Variants in PPP3CA observed in about 807,000 individuals in gnomAD.
The protein encoded by PPP3CA is CAM-PRP catalytic subunit.
PPP3CA carries 14 observed loss-of-function variants against 66.5 expected under a neutral mutation model. The ratio of observed to expected loss-of-function variants is 0.21; its 90% CI spans 0.14 to 0.33. The LOEUF (loss-of-function observed/expected upper bound fraction) is 0.33. Ranked by LOEUF, PPP3CA falls within the 10% of genes least tolerant of loss-of-function variation. PPP3CA has a pLI of 1.00. For missense variants in PPP3CA, 317 were observed against 639.5 expected, an observed-to-expected ratio of 0.50 and a Z score of 5.44; for synonymous variants, 232 against 226.2, an observed-to-expected ratio of 1.03 and a Z score of -0.23.
intron 1 of PPP3CA, among the ~76,000 whole-genome samples, chr4:101,317,679 G>A (rs1448723092): frequency 6.6e-6 from 1 of 152,128 alleles, no homozygotes; most frequent in Admixed American, 6.5e-5. Context: ...CAAAATCAGA[G>A]AACACTATTT....
At chr4:101,090,418 C>G (rs191597124) in intron 6 of PPP3CA, among the ~76,000 whole-genome samples, 96 of 152,032 alleles carry the variant, frequency 6.3e-4, no homozygotes, top group African/African-American at 2.3e-3. Context: ...GTGGATGGAT[C>G]ACCTGAGGTC....
intron 2 of PPP3CA, among the ~76,000 whole-genome samples, chr4:101,121,509 G>A (rs991820800): frequency 4.6e-5 from 7 of 151,718 alleles, no homozygotes; most frequent in Non-Finnish European, 1.0e-4. Context: ...TACAAATAAC[G>A]CTTGATTTCC....
intron 2 of PPP3CA, among the ~76,000 whole-genome samples, chr4:101,192,021 C>A (rs943511978): frequency 3.3e-5 from 5 of 152,142 alleles, no homozygotes; most frequent in African/African-American, 1.2e-4. Context: ...ATTCAAAAAA[C>A]CTAAGCTCCC....
chr4:101,127,636 T>C (rs1722288498), intron 2 of PPP3CA, among the ~76,000 whole-genome samples: 1 of 151,962 alleles, frequency 6.6e-6, no homozygotes, highest in African/African-American at 2.4e-5. Flanking sequence ...GACAATAAAT[T>C]TCTGTTGTTT....
intron 9 of PPP3CA, among the ~76,000 whole-genome samples, chr4:101,063,028 T>C (rs1409388569): frequency 6.6e-6 from 1 of 151,886 alleles, no homozygotes; most frequent in African/African-American, 2.4e-5. Flanking sequence ...TTTTGTTTTT[T>C]TTTTTGCTTC....
intron 7 of PPP3CA, among the ~76,000 whole-genome samples, chr4:101,082,890 G>A (rs1389532468): frequency 1.3e-5 from 2 of 152,138 alleles, no homozygotes; most frequent in Non-Finnish European, 2.9e-5. Flanking sequence ...CAGTGTAAAT[G>A]CAACAATTGA....
chr4:101,093,051 G>T (rs1289154262), intron 6 of PPP3CA, among the ~76,000 whole-genome samples: 1 of 152,124 alleles, frequency 6.6e-6, no homozygotes, highest in Non-Finnish European at 1.5e-5. Context: ...CACAATGGTT[G>T]AACTAATTTA....
chr4:101,105,703 T>C (rs1200439839), intron 3 of PPP3CA, among the ~76,000 whole-genome samples: 3 of 152,190 alleles, frequency 2.0e-5, no homozygotes, highest in Non-Finnish European at 4.4e-5. Flanking sequence ...AAGCCACACA[T>C]GATGTAGTAT....
intron 1 of PPP3CA, among the ~76,000 whole-genome samples, chr4:101,273,568 G>T (rs1191526228): frequency 1.3e-5 from 2 of 152,102 alleles, no homozygotes; most frequent in East Asian, 3.9e-4. Flanking sequence ...CTTGTGATCT[G>T]CCCACCTCGG....
chr4:101,229,439 T>C (rs1171508931), intron 1 of PPP3CA, among the ~76,000 whole-genome samples: 3 of 151,678 alleles, frequency 2.0e-5, no homozygotes, highest in Non-Finnish European at 4.4e-5. Context: ...AATTACCAAG[T>C]ATATAAGAAT....
chr4:101,260,688 C>T (rs1726985202), intron 1 of PPP3CA, among the ~76,000 whole-genome samples: 1 of 152,120 alleles, frequency 6.6e-6, no homozygotes, highest in African/African-American at 2.4e-5. Context: ...CTATCTTCTG[C>T]CCCTGAAAAA....
chr4:101,139,706 T>G (rs1342215060), intron 2 of PPP3CA, among the ~76,000 whole-genome samples: 1 of 149,706 alleles, frequency 6.7e-6, no homozygotes, highest in Non-Finnish European at 1.5e-5. Context: ...GTTTTTTTTT[T>G]TTTTTTTTTT....
chr4:101,225,228 T>C (rs1229406405), intron 1 of PPP3CA, among the ~76,000 whole-genome samples: 2 of 149,594 alleles, frequency 1.3e-5, no homozygotes, highest in African/African-American at 4.9e-5. Flanking sequence ...TTATCTTTTT[T>C]CTGTCACTAG....
chr4:101,091,870 AGAGGAG>A (rs71901007), intron 6 of PPP3CA, among the ~76,000 whole-genome samples: 9 of 144,148 alleles, frequency 6.2e-5, no homozygotes, highest in East Asian at 2.0e-4. Flanking sequence ...ATAATGAAGA[AGAGGAG>A]GAGGAGGAGG....
rs548275588 is a variant in PPP3CA at position 101,282,798 on chromosome 4, G to A, written c.58+63941C>T. Among the ~76,000 whole-genome samples, 158 of 152,246 alleles carry A rather than the reference G, an allele frequency of 1.0e-3. 2 individuals are homozygous for A. Among genetic ancestry groups the A allele is most frequent in the African/African-American group, 3.8e-3 (156 of 41,552 alleles). The stretch of plus-strand genomic sequence containing the variant: ...CAGAAACATGGCTGATTTACACAGA[G>A]GAGGAAAACCTGTTTCCGGGGCAGT... On this transcript the variant is annotated intron_variant, in intron 1 of 13. Coordinates refer to ENST00000394854, the MANE Select transcript of PPP3CA (RefSeq NM_000944.5).
intron 1 of PPP3CA, among the ~76,000 whole-genome samples, chr4:101,266,404 G>C (rs966139701): frequency 2.0e-5 from 3 of 152,040 alleles, no homozygotes; most frequent in African/African-American, 7.2e-5. Context: ...ATTAAATTTA[G>C]ATATGGCCCT....
intron 2 of PPP3CA, among the ~76,000 whole-genome samples, chr4:101,122,806 A>T (rs1355276193): frequency 6.6e-6 from 1 of 152,212 alleles, no homozygotes; most frequent in Non-Finnish European, 1.5e-5. Flanking sequence ...CAATTCCTGT[A>T]ATGTTTAGGA....
At chr4:101,204,794 G>A (rs934194544) in intron 1 of PPP3CA, among the ~76,000 whole-genome samples, 1 of 151,220 alleles carries the variant, frequency 6.6e-6, no homozygotes, top group African/African-American at 2.4e-5. Context: ...ATTAAACTTA[G>A]AATTATAAAT....
intron 1 of PPP3CA, among the ~76,000 whole-genome samples, chr4:101,207,296 C>T (rs964571269): frequency 2.0e-5 from 3 of 152,114 alleles, no homozygotes; most frequent in Admixed American, 6.5e-5. Context: ...TATTAATATA[C>T]ATTTATTGAA....
Sources: allele counts gnomAD v4.1 joint callset (sites outside exome capture counted in the v4.1 genomes callset), GRCh38; gene constraint gnomAD v4.1.1; transcripts MANE v1.5; gene names NCBI Gene and HGNC (gene_info 2026-07-23, HGNC 2026-07-21).